TTC28: variants seen among roughly 807,000 people sequenced by gnomAD.
TTC28 encodes the protein tetratricopeptide repeat domain 28.
Under a neutral mutation model 198.0 loss-of-function variants are expected in TTC28, and 61 were observed. That is an observed-to-expected ratio of 0.31 (90% CI 0.25 to 0.38). The LOEUF (loss-of-function observed/expected upper bound fraction) is 0.38, where lower values mean the gene tolerates loss of function less well. Ranked by LOEUF, TTC28 falls within the 10% of genes least tolerant of loss-of-function variation. The pLI is 1.00. For missense variants in TTC28, 2,678 were observed against 3,164.0 expected, an observed-to-expected ratio of 0.85 and a Z score of 3.69; for synonymous variants, 1,171 against 1,297.8, an observed-to-expected ratio of 0.90 and a Z score of 2.10.
At chr22:28,084,230 T>A (rs1299775792) in intron 12 of TTC28, among the ~76,000 whole-genome samples, 1 of 152,074 alleles carries the variant, frequency 6.6e-6, no homozygotes, top group Admixed American at 6.6e-5. Context: ...GGGTCCCTGA[T>A]CCCCAAGTAA....
At chr22:28,267,973 T>G (rs1931793405) in intron 5 of TTC28, among the ~76,000 whole-genome samples, 1 of 152,198 alleles carries the variant, frequency 6.6e-6, no homozygotes, top group Non-Finnish European at 1.5e-5. Context: ...ATCAGGTATT[T>G]TACCTTATTT....
intron 13 of TTC28, among the ~76,000 whole-genome samples, chr22:28,018,049 C>G (rs1481617108): frequency 6.6e-6 from 1 of 152,190 alleles, no homozygotes; most frequent in Non-Finnish European, 1.5e-5. Context: ...ACATCAAGCA[C>G]TGGCTCTCAG....
At chr22:28,528,468 G>C (rs962284405) in intron 2 of TTC28, among the ~76,000 whole-genome samples, 21 of 151,968 alleles carry the variant, frequency 1.4e-4, no homozygotes, top group Admixed American at 1.4e-3. Flanking sequence ...AGTGGCTCAT[G>C]GCTATAATCC....
At chr22:28,087,489 T>G (rs1941651039) in intron 12 of TTC28, among the ~76,000 whole-genome samples, 1 of 152,096 alleles carries the variant, frequency 6.6e-6, no homozygotes, top group Non-Finnish European at 1.5e-5. Flanking sequence ...TCTCAATAAA[T>G]TAGGTATTGA....
chr22:28,055,040 T>C (rs1940228850), intron 12 of TTC28, among the ~76,000 whole-genome samples: 3 of 152,164 alleles, frequency 2.0e-5, no homozygotes, highest in Admixed American at 2.0e-4. Context: ...TCCATCTGTT[T>C]GGATAAGTTC....
chr22:28,062,942 G>T (rs966703190), intron 12 of TTC28, among the ~76,000 whole-genome samples: 2 of 152,014 alleles, frequency 1.3e-5, no homozygotes, highest in Non-Finnish European at 2.9e-5. Flanking sequence ...CATTTTCCTG[G>T]TTCTTTAAAT....
intron 2 of TTC28, among the ~76,000 whole-genome samples, chr22:28,494,285 A>G (rs975603225): frequency 6.6e-6 from 1 of 152,210 alleles, no homozygotes. Flanking sequence ...CTGACATTTG[A>G]GCTGTTACAA....
At chr22:28,322,816 T>C (rs539436872) in intron 2 of TTC28, among the ~76,000 whole-genome samples, 1 of 152,336 alleles carries the variant, frequency 6.6e-6, no homozygotes, top group East Asian at 1.9e-4. Context: ...CATCAAGGCA[T>C]CCATAGGGCT....
intron 2 of TTC28, among the ~76,000 whole-genome samples, chr22:28,486,105 C>T (rs1251688400): frequency 6.6e-6 from 1 of 151,938 alleles, no homozygotes; most frequent in Non-Finnish European, 1.5e-5. Context: ...GGCATTGGTA[C>T]CTGTGAAATT....
At chr22:28,648,479 A>T (rs1202463387) in intron 1 of TTC28, among the ~76,000 whole-genome samples, 1 of 152,244 alleles carries the variant, frequency 6.6e-6, no homozygotes, top group Admixed American at 6.5e-5. Context: ...TAATCCAACA[A>T]TCCCACTACT....
At chr22:28,421,933 C>CA (rs3884802) in intron 2 of TTC28, among the ~76,000 whole-genome samples, 10,466 of 74,972 alleles carry the variant, frequency 0.14, 776 homozygotes, top group African/African-American at 0.27. Flanking sequence ...GACTCCGTCT[C>CA]AAAAAAAAAA....
At chr22:28,501,377 G>T (rs2048536514) in intron 2 of TTC28, among the ~76,000 whole-genome samples, 1 of 152,126 alleles carries the variant, frequency 6.6e-6, no homozygotes, top group East Asian at 1.9e-4. Context: ...TGTAAAAGTA[G>T]AAAATGGTAT....
chr22:28,614,949 C>T (rs1199742521), intron 2 of TTC28, among the ~76,000 whole-genome samples: 1 of 152,086 alleles, frequency 6.6e-6, no homozygotes, highest in Non-Finnish European at 1.5e-5. Context: ...CAAATAGGAT[C>T]TAATTAAACT....
intron 5 of TTC28, among the ~76,000 whole-genome samples, chr22:28,273,079 G>A (rs911708681): frequency 6.6e-6 from 1 of 152,178 alleles, no homozygotes; most frequent in Admixed American, 6.5e-5. Context: ...TAAGAATAAA[G>A]TTGAACCAGA....
intron 2 of TTC28, among the ~76,000 whole-genome samples, chr22:28,439,994 C>T (rs1338530483): frequency 6.6e-6 from 1 of 152,186 alleles, no homozygotes; most frequent in Non-Finnish European, 1.5e-5. Flanking sequence ...GTCACTACGA[C>T]TGGCTAATTT....
In TTC28 at chr22:28,224,705, G is replaced by A. The variant is rs187627709; in HGVS notation, c.934-61106C>T. Among the ~76,000 whole-genome samples, 59 of 152,234 alleles carry A rather than the reference G, an allele frequency of 3.9e-4. No individual in the cohort carries two copies. In the East Asian group the frequency reaches 0.011, roughly 29 times the overall value. On this transcript the variant is annotated intron_variant, in intron 5 of 22. Coordinates refer to ENST00000397906, the MANE Select transcript of TTC28 (RefSeq NM_001145418.2). ...TCATGGGGGCAGGGAGATGGCTGAT[G>A]AGAAGCAAATATAAGAAAGTGATCT...
intron 5 of TTC28, among the ~76,000 whole-genome samples, chr22:28,218,602 C>A (rs1601492184): frequency 1.3e-5 from 2 of 152,236 alleles, no homozygotes; most frequent in South Asian, 4.2e-4. Context: ...AATACCCACT[C>A]AGTTCACAAC....
chr22:27,985,294 G>T lies in TTC28; in HGVS notation c.5770C>A (p.Arg1924=). ...VILKTGKQAN[R]RTVHFALQSL... ...TGGAGCGCGAAGTGCACAGTCCGTC[G>T]ATTAGCTTGCTTCCCGGTTTTCAGG... Residue 1924 remains arginine (R), a synonymous_variant, in exon 22 of 23, where the codon CGA becomes AGA. Coordinates refer to ENST00000397906, the MANE Select transcript of TTC28 (RefSeq NM_001145418.2). The T allele has an allele frequency of 6.4e-7, 1 of 1,551,596 alleles. No homozygotes were observed. Among genetic ancestry groups the T allele is most frequent in the East Asian group, 2.4e-5 (1 of 40,908 alleles).
chr22:28,328,450 AT>A (rs1186140814), intron 2 of TTC28, among the ~76,000 whole-genome samples: 3 of 151,960 alleles, frequency 2.0e-5, no homozygotes, highest in African/African-American at 4.8e-5. Context: ...CTTTAAAAAA[AT>A]ATATAAAAAT....
Sources: gnomAD v4.1 joint callset for allele counts (sites outside exome capture counted in the v4.1 genomes callset) on GRCh38, gnomAD v4.1.1 for gene constraint, MANE v1.5 for transcripts, NCBI Gene and HGNC (gene_info 2026-07-23, HGNC 2026-07-21) for gene names.